ASH1L: variants seen among roughly 807,000 people sequenced by gnomAD.
ASH1L encodes the protein ASH1 like histone lysine methyltransferase.
Under a neutral mutation model 269.0 loss-of-function variants are expected in ASH1L, and 23 were observed. The observed-to-expected ratio is 0.09, with a 90% confidence interval of 0.06 to 0.12. The LOEUF (loss-of-function observed/expected upper bound fraction) is 0.12. Ranked by LOEUF, ASH1L falls within the 10% of genes least tolerant of loss-of-function variation. ASH1L has a pLI of 1.00. For missense variants in ASH1L, 2,912 were observed against 3,567.8 expected (o/e 0.82, Z 4.68); for synonymous variants, 1,187 against 1,253.5 (o/e 0.95, Z 1.12).
intron 17 of ASH1L, 54 bp downstream of exon 17, chr1:155,352,652 A>AG: frequency 6.6e-7 from 1 of 1,518,700 alleles, no homozygotes; most frequent in Non-Finnish European, 8.8e-7. Context: ...TTATTTAAAA[A>AG]AAAAAGAAAA....
chr1:155,437,893 C>T (rs576377516), intron 5 of ASH1L, among the ~76,000 whole-genome samples: 17 of 152,268 alleles, frequency 1.1e-4, no homozygotes, highest in African/African-American at 4.1e-4. Context: ...CTCGCTCTGT[C>T]GCCCAGGTTG....
intron 4 of ASH1L, among the ~76,000 whole-genome samples, chr1:155,442,266 T>C (rs1571226415): frequency 6.6e-6 from 1 of 151,902 alleles, no homozygotes; most frequent in African/African-American, 2.4e-5. Context: ...ACTCATTCTT[T>C]AGACAGCAGC....
intron 17 of ASH1L, among the ~76,000 whole-genome samples, chr1:155,352,353 G>C (rs1654008795): frequency 6.7e-6 from 1 of 149,278 alleles, no homozygotes; most frequent in Non-Finnish European, 1.5e-5. Flanking sequence ...TTTATTTTGG[G>C]AATGTAAATG....
Position 155,343,522 on chromosome 1 carries a change from G to A in ASH1L, c.8121-36C>T, listed in dbSNP as rs1652985630. On this transcript the variant is annotated intron_variant, in intron 23 of 27. Transcript: ENST00000392403. The surrounding 1 kb of genome is among the most constrained non-coding windows in gnomAD (Gnocchi z 6.1). ...GGAAAAGTGAGAAGGGAGAGGTTTAGCTGATTAGCAAGATCCTAGTGAACA... is the reference window on the plus strand; with the variant it reads ...GGAAAAGTGAGAAGGGAGAGGTTTAACTGATTAGCAAGATCCTAGTGAACA... 6.2e-7 allele frequency: 1 copy of A among 1,612,468 alleles called. No homozygotes were observed. Among genetic ancestry groups the A allele is most frequent in the Non-Finnish European group, 8.5e-7 (1 of 1,178,906 alleles).
Position 155,481,592 on chromosome 1 carries a change from G to C in ASH1L, c.1278C>G (p.Ala426=). The part of the protein sequence containing the change: ...LISKDAINLK[A]EALLPTQEPL... ...GTTCCTGAGTGGGGAGCAGTGCTTC[G>C]GCTTTAAGGTTTATGGCATCTTTAC... is the stretch of plus-strand genomic sequence containing the variant. Residue 426 remains alanine, a synonymous_variant, in exon 3 of 28, where the codon GCC becomes GCG. Coordinates refer to ENST00000392403, the MANE Select transcript of ASH1L (RefSeq NM_018489.3). 2 of 1,614,068 alleles carry C rather than the reference G, an allele frequency of 1.2e-6. No individual in the cohort carries two copies. Among genetic ancestry groups the C allele is most frequent in the Admixed American group, 1.7e-5 (1 of 60,016 alleles).
At chr1:155,442,583 CAAA>C (rs1205815203) in intron 4 of ASH1L, among the ~76,000 whole-genome samples, 3 of 33,654 alleles carry the variant, frequency 8.9e-5, no homozygotes, top group Non-Finnish European at 1.4e-4. Context: ...GACTCCATCT[CAAA>C]AAAAAAAAAA....
intron 6 of ASH1L, among the ~76,000 whole-genome samples, chr1:155,415,340 C>T (rs1436726620): frequency 6.7e-6 from 1 of 149,720 alleles, no homozygotes; most frequent in Non-Finnish European, 1.5e-5. Flanking sequence ...CAAGATCGCA[C>T]CACTGCACTC....
In ASH1L at chr1:155,481,984, C is replaced by G. The variant is rs1338133463; in HGVS notation, c.886G>C (p.Ala296Pro). 1 of 1,614,146 alleles carries G rather than the reference C, an allele frequency of 6.2e-7. No homozygotes were observed. The highest frequency in any genetic ancestry group is 8.5e-7 in the Non-Finnish European group (1 of 1,180,036). ...DPGKKPVFNAAVGLVNKDSVK... is the reference protein window; with the variant it reads ...DPGKKPVFNAPVGLVNKDSVK... ...GAGTCCTTATTGACCAATCCTACTG[C>G]TGCATTAAACACTGGCTTTTTCCCA... The change falls in exon 3 of 28, where the codon GCA becomes CCA. Residue 296 changes from alanine to proline, a missense_variant. Ala to Pro is a conservative substitution (Grantham distance 27). Coordinates refer to ENST00000392403, the MANE Select transcript of ASH1L (RefSeq NM_018489.3).
In ASH1L at chr1:155,336,390, TACAC is replaced by T. The variant is rs1197909936; in HGVS notation, c.*1266_*1269del. On this transcript the variant is annotated 3_prime_UTR_variant, in exon 28 of 28. Coordinates refer to ENST00000392403, the MANE Select transcript of ASH1L (RefSeq NM_018489.3). ...ACACACATATATATATACACACACA[TACAC>T]ACATATATATACACACACACACACA... 1.3e-5 allele frequency: 2 copies of T among 150,714 alleles called. No individual in the cohort carries two copies. The highest frequency in any genetic ancestry group is 2.1e-4 in the South Asian group (1 of 4,728). The allele number at this position is 150,714 out of a possible 1,614,324, so 9.3% of individuals were successfully genotyped here. A position where few individuals can be genotyped will look rare whatever the true frequency, so the allele number is the denominator to read the frequency against.
chr1:155,404,329 C>T (rs1659091957), intron 6 of ASH1L, among the ~76,000 whole-genome samples: 2 of 152,002 alleles, frequency 1.3e-5, no homozygotes, highest in Admixed American at 1.3e-4. Context: ...GTACTCTAGT[C>T]TGGATGAGAG....
At chr1:155,423,442 G>A (rs1043097857) in intron 5 of ASH1L, among the ~76,000 whole-genome samples, 6 of 151,876 alleles carry the variant, frequency 4.0e-5, no homozygotes, top group South Asian at 4.2e-4. Flanking sequence ...AGCCGGGTGC[G>A]GTGGTAGTCC....
Position 155,425,713 on chromosome 1 carries a change from C to T in ASH1L, c.5829-9790G>A, listed in dbSNP as rs190069526. On this transcript the variant is annotated intron_variant, in intron 5 of 27. Transcript: ENST00000392403. Reference sequence around the variant, plus strand: ...CCTCCCAAAGTGCTGGGATTACAGGCGTGAGCCACCACACCCGGCCAAGCA... The same window carrying T: ...CCTCCCAAAGTGCTGGGATTACAGGTGTGAGCCACCACACCCGGCCAAGCA... Among the ~76,000 whole-genome samples, 574 of 152,128 alleles carry T rather than the reference C, an allele frequency of 3.8e-3. 3 individuals carry two copies. The highest frequency in any genetic ancestry group is 0.012 in the African/African-American group (509 of 41,522).
At position 155,478,043 on chromosome 1, in the gene ASH1L, A is replaced by C. The variant is rs763693444; in HGVS notation, c.4827T>G (p.Ser1609Arg). ...SSDEHTNLFT[S>R]AIGSCRVSNP... The stretch of plus-strand genomic sequence containing the variant: ...TTGAAACTCTGCAGCTGCCTATTGC[A>C]CTTGTGAAAAGGTTTGTATGTTCAT... The change falls in exon 3 of 28, where the codon AGT (serine) becomes AGG (arginine). Residue 1609 changes from serine to arginine, a missense_variant. This residue lies in a region of ASH1L where 789 missense variants were observed against 897.6 expected (regional missense o/e 0.88). Transcript: ENST00000392403. This position sits in a 1 kb window ranked among gnomAD's most constrained non-coding sequence, Gnocchi z 4.6. The C allele has an allele frequency of 4.3e-6, 7 of 1,614,058 alleles. 1 individual carries two copies. The South Asian group carries it at 5.5e-5, about 13-fold the overall frequency.
chr1:155,365,372 A>ATT lies in ASH1L; in HGVS notation c.6687-4965_6687-4964dup, dbSNP rs142145021. Among the ~76,000 whole-genome samples, 343 of 124,218 alleles carry ATT rather than the reference A, an allele frequency of 2.8e-3. 6 individuals carry two copies. The highest frequency in any genetic ancestry group is 8.9e-3 in the African/African-American group (278 of 31,116). 81.5% of individuals were successfully genotyped at this position (124,218 alleles called of 152,430 possible). A position where few individuals can be genotyped will look rare whatever the true frequency, so the allele number is the denominator to read the frequency against. On this transcript the variant is annotated intron_variant, in intron 12 of 27. Coordinates refer to ENST00000392403, the MANE Select transcript of ASH1L (RefSeq NM_018489.3). ...AGGTGTATGCCACTATGCCCGGCTG[A>ATT]TTTTTTTTTTTTTTTTTTTTTTGTA... is the stretch of plus-strand genomic sequence containing the variant.
rs997343562 is a variant in ASH1L at position 155,338,217 on chromosome 1, T to C, written c.8675A>G (p.Glu2892Gly). 2.5e-6 allele frequency: 4 copies of C among 1,614,144 alleles called. No individual in the cohort carries two copies. The highest frequency in any genetic ancestry group is 3.4e-6 in the Non-Finnish European group (4 of 1,180,012). Residue 2892 changes from glutamate (E) to glycine (G), a missense_variant, in exon 27 of 28, where the codon GAA becomes GGA. Physicochemically the swap from Glu to Gly is moderately conservative, Grantham distance 98. Around this residue, in one of 13 missense-constraint regions of ASH1L, gnomAD observed 154 missense variants for 165.0 expected, o/e 0.93. Coordinates refer to ENST00000392403, the MANE Select transcript of ASH1L (RefSeq NM_018489.3). Reference sequence around the variant, plus strand: ...TTGACTACTTTCCTCTGTTTTTTTTTCACCCTCACTGACGTTAGCAGTGGC... The same window carrying C: ...TTGACTACTTTCCTCTGTTTTTTTTCCACCCTCACTGACGTTAGCAGTGGC... ...EGATANVSEG[E>G]KKTEESSQEP...
intron 3 of ASH1L, among the ~76,000 whole-genome samples, chr1:155,473,999 C>T (rs979372524): frequency 6.6e-6 from 1 of 152,096 alleles, no homozygotes; most frequent in African/African-American, 2.4e-5. Context: ...GCACTGCTGG[C>T]TAATTTTTTT....
chr1:155,449,204 G>C (rs1158627548), intron 4 of ASH1L, among the ~76,000 whole-genome samples: 1 of 152,196 alleles, frequency 6.6e-6, no homozygotes, highest in East Asian at 1.9e-4. Flanking sequence ...AAAGTGCTGG[G>C]ATTACAGGCG....
chr1:155,546,286 G>A (rs918367965), intron 1 of ASH1L, among the ~76,000 whole-genome samples: 3 of 150,820 alleles, frequency 2.0e-5, no homozygotes, highest in South Asian at 2.1e-4. Context: ...AGCCGATATC[G>A]TGCCACTGCA....
intron 2 of ASH1L, among the ~76,000 whole-genome samples, chr1:155,509,193 AT>A (rs561088817): frequency 1.3e-5 from 2 of 152,174 alleles, no homozygotes; most frequent in Non-Finnish European, 2.9e-5. Flanking sequence ...AAACTGTATC[AT>A]GGTGGCCGGG....
Sources: gnomAD v4.1 joint callset for allele counts (sites outside exome capture counted in the v4.1 genomes callset) on GRCh38, gnomAD v4.1.1 for gene constraint, gnomAD v4.1.1 regional missense constraint, Gnocchi (gnomAD v3.1) non-coding constraint, MANE v1.5 for transcripts, NCBI Gene and HGNC (gene_info 2026-07-23, HGNC 2026-07-21) for gene names.